The following CDH13 variants were observed in gnomAD, a reference collection of about 807,000 sequenced individuals.
CDH13 encodes the protein cadherin-13.
Under a neutral mutation model 63.8 loss-of-function variants are expected in CDH13, and 24 were observed. The ratio of observed to expected loss-of-function variants is 0.38; its 90% CI spans 0.27 to 0.53. The LOEUF is 0.53. CDH13 is among the 20% of genes least tolerant of loss of function. The pLI, the probability that CDH13 is intolerant of heterozygous loss-of-function variation, is 0.85. For missense variants in CDH13, 1,049 were observed against 903.1 expected (o/e 1.16, Z -2.07); for synonymous variants, 503 against 355.3 (o/e 1.42, Z -4.67).
intron 3 of CDH13, among the ~76,000 whole-genome samples, chr16:83,035,016 C>T (rs1443543555): frequency 6.6e-6 from 1 of 151,754 alleles, no homozygotes; most frequent in Non-Finnish European, 1.5e-5. Context: ...CTCCCACGTC[C>T]AGTAATTTTA....
chr16:82,757,054 G>T (rs191931523), intron 1 of CDH13, among the ~76,000 whole-genome samples: 7 of 152,074 alleles, frequency 4.6e-5, no homozygotes, highest in Admixed American at 1.3e-4. Context: ...GGATCCATGG[G>T]GACATTGACG....
chr16:83,590,076 G>C (rs531991345), intron 7 of CDH13, among the ~76,000 whole-genome samples: 15 of 152,176 alleles, frequency 9.9e-5, no homozygotes, highest in Non-Finnish European at 1.8e-4. Flanking sequence ...ACTGAGTGAG[G>C]AGAACAAACA....
intron 5 of CDH13, among the ~76,000 whole-genome samples, chr16:83,237,466 G>A (rs936600349): frequency 3.3e-5 from 5 of 152,222 alleles, no homozygotes; most frequent in Non-Finnish European, 7.3e-5. Flanking sequence ...TAACTGCACC[G>A]TCCAATAAGG....
At chr16:82,740,184 C>G (rs1169581444) in intron 1 of CDH13, among the ~76,000 whole-genome samples, 1 of 152,164 alleles carries the variant, frequency 6.6e-6, no homozygotes, top group African/African-American at 2.4e-5. Flanking sequence ...TCATATCTGT[C>G]TATTTAGCAT....
At chr16:83,571,507 A>C (rs1235530197) in intron 7 of CDH13, among the ~76,000 whole-genome samples, 1 of 152,184 alleles carries the variant, frequency 6.6e-6, no homozygotes, top group African/African-American at 2.4e-5. Context: ...CAAATTTGAA[A>C]GAATGATCTT....
At chr16:83,701,829 C>T (rs551093324) in intron 10 of CDH13, among the ~76,000 whole-genome samples, 73 of 152,322 alleles carry the variant, frequency 4.8e-4, no homozygotes, top group Non-Finnish European at 8.4e-4. Context: ...GCTTCCTCTG[C>T]CCTCTCTCCC....
chr16:83,162,551 C>T (rs1414125677), intron 4 of CDH13, among the ~76,000 whole-genome samples: 2 of 150,718 alleles, frequency 1.3e-5, no homozygotes, highest in African/African-American at 4.8e-5. Flanking sequence ...TTGAACAAAG[C>T]AAGGTGTTGA....
intron 1 of CDH13, among the ~76,000 whole-genome samples, chr16:82,786,426 C>G (rs1255890643): frequency 7.8e-6 from 1 of 128,472 alleles, no homozygotes; most frequent in Non-Finnish European, 1.6e-5. Context: ...TCCTCCAAAT[C>G]AGAAAACAGT....
chr16:83,219,987 C>G (rs116101307), intron 5 of CDH13, among the ~76,000 whole-genome samples: 530 of 152,310 alleles, frequency 3.5e-3, no homozygotes, highest in African/African-American at 0.012. Flanking sequence ...GTCATATACC[C>G]TCATTGGAAA....
intron 1 of CDH13, among the ~76,000 whole-genome samples, chr16:82,749,359 G>A (rs1450518039): frequency 6.6e-6 from 1 of 152,168 alleles, no homozygotes; most frequent in Non-Finnish European, 1.5e-5. Context: ...TAGCCCAGGA[G>A]TCTCACTTAC....
intron 4 of CDH13, among the ~76,000 whole-genome samples, chr16:83,152,769 T>C (rs774196408): frequency 6.6e-5 from 10 of 152,236 alleles, no homozygotes; most frequent in Non-Finnish European, 1.5e-4. Flanking sequence ...TCTCAGAATG[T>C]GGCTTTCCTT....
intron 13 of CDH13, among the ~76,000 whole-genome samples, chr16:83,786,682 G>C (rs534877947): frequency 2.6e-4 from 39 of 152,104 alleles, no homozygotes; most frequent in Admixed American, 1.6e-3. Flanking sequence ...CCGTCTCCCG[G>C]GTTCAAGTGA....
intron 2 of CDH13, among the ~76,000 whole-genome samples, chr16:82,860,428 C>G (rs906217814): frequency 2.0e-5 from 3 of 149,342 alleles, no homozygotes; most frequent in African/African-American, 7.4e-5. Flanking sequence ...CTTTAATCCC[C>G]TAAGTAATTA....
chr16:82,891,497 A>G (rs2041080397), intron 2 of CDH13, among the ~76,000 whole-genome samples: 1 of 152,172 alleles, frequency 6.6e-6, no homozygotes, highest in Non-Finnish European at 1.5e-5. Context: ...CTGGGCATAT[A>G]TTTTGGGTTG....
Position 83,675,344 on chromosome 16 carries a change from A to G in CDH13, c.1285-2864A>G, listed in dbSNP as rs572478376. ...CCACCTTAGGCAAATGGAAATAAAC[A>G]TTAGCATGGCCCTGCTCCCTTCCTA... On this transcript the variant is annotated intron_variant, in intron 9 of 13. Transcript: ENST00000567109. Among the ~76,000 whole-genome samples the G allele has an allele frequency of 9.2e-5, 14 of 152,296 alleles. 1 individual carries two copies. In the East Asian group the frequency reaches 1.9e-3, roughly 21 times the overall value.
intron 10 of CDH13, among the ~76,000 whole-genome samples, chr16:83,691,010 C>T (rs1000999623): frequency 6.6e-6 from 1 of 151,932 alleles, no homozygotes; most frequent in East Asian, 1.9e-4. Context: ...GTGTGAACCA[C>T]TGGGCCAGGC....
intron 3 of CDH13, among the ~76,000 whole-genome samples, chr16:83,068,331 G>A (rs2032177195): frequency 6.6e-6 from 1 of 152,064 alleles, no homozygotes; most frequent in Non-Finnish European, 1.5e-5. Context: ...AATAACTGAG[G>A]CTTATGGAGG....
intron 4 of CDH13, among the ~76,000 whole-genome samples, chr16:83,191,365 G>C (rs2038692825): frequency 6.9e-6 from 1 of 145,586 alleles, no homozygotes; most frequent in South Asian, 2.3e-4. Context: ...ATCTGTAAAG[G>C]GAGGATAATA....
intron 1 of CDH13, among the ~76,000 whole-genome samples, chr16:82,728,451 T>A (rs1185525405): frequency 6.6e-6 from 1 of 152,086 alleles, no homozygotes; most frequent in Non-Finnish European, 1.5e-5. Flanking sequence ...TACAATTTTT[T>A]TTTTGTTTCC....
Sources: gnomAD v4.1 joint callset for allele counts (sites outside exome capture counted in the v4.1 genomes callset) on GRCh38, gnomAD v4.1.1 for gene constraint, MANE v1.5 for transcripts, NCBI Gene and HGNC (gene_info 2026-07-23, HGNC 2026-07-21) for gene names.